SPNS2: variants seen among roughly 807,000 people sequenced by gnomAD.
SPNS2 encodes the protein sphingosine-1-phosphate transporter SPNS2.
A neutral mutation model predicts 57.6 loss-of-function variants in SPNS2; 37 were observed. The ratio of observed to expected loss-of-function variants is 0.64; its 90% confidence interval spans 0.49 to 0.85. The LOEUF is 0.85. SPNS2 is among the 40% of genes least tolerant of loss of function. SPNS2 has a pLI of 0.00. For synonymous variants in SPNS2, 440 were observed against 346.9 expected, an observed-to-expected ratio of 1.27 and a Z score of -2.98; for missense variants, 831 against 779.1, an observed-to-expected ratio of 1.07 and a Z score of -0.79.
rs1331440702 is a variant in SPNS2 at position 4,537,517 on chromosome 17, G to A, written c.*69G>A. ...TCTGGGAGGTGTCCTACAGCGTCCGGGACCGGCTGGGCTGCCCCAAAGCTT... is the reference window on the plus strand; with the variant it reads ...TCTGGGAGGTGTCCTACAGCGTCCGAGACCGGCTGGGCTGCCCCAAAGCTT... On this transcript the variant is annotated 3_prime_UTR_variant, in exon 13 of 13. Coordinates refer to ENST00000329078, the MANE Select transcript of SPNS2 (RefSeq NM_001124758.3). 2.2e-5 allele frequency: 10 copies of A among 456,708 alleles called. No individual in the cohort carries two copies. The highest frequency in any genetic ancestry group is 4.4e-5 in the Non-Finnish European group (10 of 227,008). 28.3% of individuals were successfully genotyped at this position (456,708 alleles called of 1,614,324 possible).
Position 4,533,441 on chromosome 17 carries a change from A to G in SPNS2, c.1278+9A>G. On this transcript the variant is annotated intron_variant, in intron 8 of 12. Transcript: ENST00000329078. ...GCATCGTAGGAGCCTATGTGAGTGC[A>G]GCGGGGGTCAAGGGTGCTGGGGGAG... 6.3e-7 allele frequency: 1 copy of G among 1,586,480 alleles called. No individual in the cohort carries two copies.
chr17:4,515,630 T>G (rs899442), intron 2 of SPNS2, among the ~76,000 whole-genome samples: 68,697 of 152,202 alleles, frequency 0.45, 16,996 homozygotes, highest in East Asian at 0.85. Context: ...ACCATGATGT[T>G]ACTCAGTGGA....
chr17:4,521,634 G>A (rs1279800859), intron 2 of SPNS2, among the ~76,000 whole-genome samples: 1 of 152,242 alleles, frequency 6.6e-6, no homozygotes. Flanking sequence ...TGAGCTAGTC[G>A]TAAAATACAA....
intron 3 of SPNS2, among the ~76,000 whole-genome samples, chr17:4,529,749 G>A (rs1185379133): frequency 6.6e-6 from 1 of 152,178 alleles, no homozygotes; most frequent in African/African-American, 2.4e-5. Context: ...CTGTAGGCAG[G>A]TGATTCCCAG....
In SPNS2 at chr17:4,499,793, T is replaced by G; in HGVS notation, c.370+376T>G. ...CCCAGCTGCCGGTTCCCGGGCCTCC[T>G]TCCCTTCCCTTCCCCCAGCCCAGGT... On this transcript the variant is annotated intron_variant, in intron 1 of 12. Transcript: ENST00000329078. The surrounding 1 kb of genome is among the most constrained non-coding windows in gnomAD (Gnocchi z 5.2). The G allele has an allele frequency of 5.8e-6, 1 of 171,072 alleles. No individual in the cohort carries two copies. Among genetic ancestry groups the G allele is most frequent in the Non-Finnish European group, 1.2e-5 (1 of 80,594 alleles). 10.6% of individuals were successfully genotyped at this position (171,072 alleles called of 1,614,324 possible).
chr17:4,533,403 GCT>G lies in SPNS2; in HGVS notation c.1250_1251del (p.Ala417GlyfsTer22). ...SAIFICLIFV[A>X]AKSSIVGAYI... ...CATCTTCATCTGCCTGATCTTCGTG[GCT>G]GCCAAGAGCAGCATCGTAGGAGCCT... On this transcript the variant is annotated frameshift_variant, in exon 8 of 13. Coordinates refer to ENST00000329078, the MANE Select transcript of SPNS2 (RefSeq NM_001124758.3). LOFTEE classifies it high-confidence loss of function. 1 of 1,608,014 alleles carries G rather than the reference GCT, an allele frequency of 6.2e-7. No homozygotes were observed. Among genetic ancestry groups the G allele is most frequent in the Non-Finnish European group, 8.5e-7 (1 of 1,177,710 alleles).
chr17:4,530,367 C>T (rs1905409122), intron 3 of SPNS2, among the ~76,000 whole-genome samples: 1 of 152,170 alleles, frequency 6.6e-6, no homozygotes. Flanking sequence ...CCTACCTGGG[C>T]CATACCACTC....
Position 4,512,674 on chromosome 17 carries a change from G to A in SPNS2, c.371-573G>A, listed in dbSNP as rs764750756. On this transcript the variant is annotated intron_variant, in intron 1 of 12. Coordinates refer to ENST00000329078, the MANE Select transcript of SPNS2 (RefSeq NM_001124758.3). The surrounding 1 kb of genome is among the most constrained non-coding windows in gnomAD (Gnocchi z 5.2). ...CGCGCGCACGGGTATGTGTGTGCGC[G>A]CGTGGGTGTGTATGCATGTGTGCAG... Among the ~76,000 whole-genome samples, 13 of 149,882 alleles carry A rather than the reference G, an allele frequency of 8.7e-5. No individual in the cohort carries two copies. The highest frequency in any genetic ancestry group is 1.3e-4 in the Admixed American group (2 of 15,192).
intron 11 of SPNS2, 47 bp from the exon 12 acceptor site, chr17:4,536,853 G>GGCCCCCGCTGATGCACCACCCTGACCCC: frequency 6.5e-7 from 1 of 1,537,964 alleles, no homozygotes; most frequent in Non-Finnish European, 9.0e-7. Flanking sequence ...GCCCGGGCCC[G>GGCCCCCGCTGATGCACCACCCTGACCCC]GCCCCCGCTG....
chr17:4,521,167 A>G (rs970549216), intron 2 of SPNS2, among the ~76,000 whole-genome samples: 2 of 152,152 alleles, frequency 1.3e-5, no homozygotes, highest in Admixed American at 6.5e-5. Flanking sequence ...AGAGCAACCT[A>G]TGAACAAGAT....
chr17:4,533,146 T>G lies in SPNS2; in HGVS notation c.1088+17T>G. The G allele has an allele frequency of 6.3e-7, 1 of 1,599,746 alleles. No individual in the cohort carries two copies. The highest frequency in any genetic ancestry group is 8.5e-7 in the Non-Finnish European group (1 of 1,172,378). On this transcript the variant is annotated intron_variant, in intron 7 of 12. Transcript: ENST00000329078. ...CAAGGACAGGTGGGGCCCCGCGGGG[T>G]GGGCCCAGGGCTGGTGAGGGACCTC...
chr17:4,531,203 G>C lies in SPNS2; in HGVS notation c.792+84G>C, dbSNP rs1248328266. The C allele has an allele frequency of 6.6e-5, 86 of 1,306,978 alleles. No homozygotes were observed. The East Asian group carries it at 1.8e-3, about 28-fold the overall frequency. 81.0% of individuals were successfully genotyped at this position (1,306,978 alleles called of 1,614,324 possible). ...TGCCCAGAGATGTAATCCAGGCTAG[G>C]ACCTAGGCCTCCAGGATTCCTCCCC... On this transcript the variant is annotated intron_variant, in intron 5 of 12. Transcript: ENST00000329078.
chr17:4,513,829 C>T (rs1186759614), intron 2 of SPNS2, among the ~76,000 whole-genome samples: 2 of 152,232 alleles, frequency 1.3e-5, no homozygotes, highest in Non-Finnish European at 1.5e-5. Flanking sequence ...CCGGGGCAGG[C>T]GCCTGAGAAT....
chr17:4,499,878 GT>G lies in SPNS2; in HGVS notation c.370+462del, dbSNP rs1904418007. 6.6e-6 allele frequency among the ~76,000 whole-genome samples: 1 copy of G among 152,122 alleles called. No homozygotes were observed. The highest frequency in any genetic ancestry group is 1.5e-5 in the Non-Finnish European group (1 of 68,016). ...TTCTCCGCCGCCTCCACCCCCCTGCGTGCGTGCGGCGAGTGCGCGCGCCCCT... is the reference window on the plus strand; with the variant it reads ...TTCTCCGCCGCCTCCACCCCCCTGCGGCGTGCGGCGAGTGCGCGCGCCCCT... On this transcript the variant is annotated intron_variant, in intron 1 of 12. Coordinates refer to ENST00000329078, the MANE Select transcript of SPNS2 (RefSeq NM_001124758.3). The surrounding 1 kb of genome is among the most constrained non-coding windows in gnomAD (Gnocchi z 5.2).
chr17:4,528,211 T>G (rs537373997), intron 3 of SPNS2, among the ~76,000 whole-genome samples: 3 of 151,570 alleles, frequency 2.0e-5, no homozygotes, highest in African/African-American at 7.3e-5. Context: ...TTAATAGAGA[T>G]GGGGTTTCAC....
intron 9 of SPNS2, among the ~76,000 whole-genome samples, chr17:4,535,706 C>T (rs917403598): frequency 2.0e-5 from 3 of 152,068 alleles, no homozygotes; most frequent in African/African-American, 7.2e-5. Context: ...GTGAAGATTC[C>T]AATTTCAGAG....
Position 4,530,656 on chromosome 17 carries a change from C to G in SPNS2, c.598C>G (p.Arg200Gly). ...QQYFWLLVLSRGLVGIGEASY... is the reference protein window; with the variant it reads ...QQYFWLLVLSGGLVGIGEASY... ...GTACTTCTGGCTGCTGGTCCTGTCC[C>G]GGGGGCTGGTGGGCATCGGGGAGGC... Residue 200 changes from arginine to glycine, a missense_variant, in exon 4 of 13, where the codon CGG (arginine) becomes GGG (glycine). Physicochemically the swap from Arg to Gly is moderately radical, Grantham distance 125 (BLOSUM62 -2). Transcript: ENST00000329078. 1 of 1,613,258 alleles carries G rather than the reference C, an allele frequency of 6.2e-7. No homozygotes were observed. Among genetic ancestry groups the G allele is most frequent in the Non-Finnish European group, 8.5e-7 (1 of 1,179,762 alleles).
At chr17:4,533,687 T>G in intron 8 of SPNS2, 101 bp from the exon 9 acceptor site, 2 of 1,382,606 alleles carry the variant, frequency 1.4e-6, no homozygotes, top group Non-Finnish European at 1.0e-6. Context: ...GGGTGTGAGG[T>G]TTTGTGGGCT....
chr17:4,535,147 C>G (rs1170750430), intron 9 of SPNS2, among the ~76,000 whole-genome samples: 1 of 152,208 alleles, frequency 6.6e-6, no homozygotes, highest in East Asian at 1.9e-4. Flanking sequence ...ACCCACAGAG[C>G]TGGCTGTGCC....
Sources: allele counts gnomAD v4.1 joint callset (sites outside exome capture counted in the v4.1 genomes callset), GRCh38; gene constraint gnomAD v4.1.1; non-coding constraint Gnocchi (gnomAD v3.1); transcripts MANE v1.5; gene names NCBI Gene and HGNC (gene_info 2026-07-23, HGNC 2026-07-21).